The following GRIP1 variants were observed in gnomAD, a reference collection of about 807,000 sequenced individuals.
The protein encoded by GRIP1 is glutamate receptor interacting protein 1.
GRIP1 carries 45 observed loss-of-function variants against 129.9 expected under a neutral mutation model. The observed-to-expected ratio is 0.35, with a 90% CI of 0.27 to 0.44. The LOEUF is 0.44. Among genes scored for constraint, GRIP1 ranks in the 20% least tolerant of loss-of-function variants. The probability of loss-of-function intolerance (pLI) is 1.00; values close to 1 mark genes in which losing one functional copy is unlikely to be tolerated. For synonymous variants in GRIP1, 530 were observed against 520.8 expected (o/e 1.02, Z -0.24); for missense variants, 1,196 against 1,396.8 (o/e 0.86, Z 2.29).
At chr12:66,804,690 A>C (rs745857393), upstream of GRIP1, among the ~76,000 whole-genome samples, 11 of 152,204 alleles carry the variant, frequency 7.2e-5, no homozygotes, top group Non-Finnish European at 1.2e-4. Context: ...TTAGAGACTG[A>C]ACTGACTTTC....
chr12:66,451,903 A>G (rs2058819038), intron 11 of GRIP1, among the ~76,000 whole-genome samples: 1 of 152,212 alleles, frequency 6.6e-6, no homozygotes, highest in Non-Finnish European at 1.5e-5. Flanking sequence ...GCTTACCAGT[A>G]GCTGCCTTTA....
At chr12:66,704,756 A>T (rs1483410447) in intron 1 of GRIP1, among the ~76,000 whole-genome samples, 1 of 151,994 alleles carries the variant, frequency 6.6e-6, no homozygotes, top group Non-Finnish European at 1.5e-5. Flanking sequence ...CACAGCCAAG[A>T]TTTTTCTATA....
chr12:66,787,068 G>A (rs547047210), intron 1 of GRIP1, among the ~76,000 whole-genome samples: 11 of 152,186 alleles, frequency 7.2e-5, no homozygotes, highest in East Asian at 3.9e-4. Context: ...TTAAATTTAC[G>A]CACAAGTAAC....
chr12:67,017,889 C>T (rs568117125), intron 1 of GRIP1, among the ~76,000 whole-genome samples: 2 of 152,258 alleles, frequency 1.3e-5, no homozygotes, highest in South Asian at 2.1e-4. Flanking sequence ...CAGAACATCC[C>T]GGATACCACA....
At chr12:66,724,351 C>A (rs2036185844) in intron 1 of GRIP1, among the ~76,000 whole-genome samples, 1 of 152,166 alleles carries the variant, frequency 6.6e-6, no homozygotes, top group African/African-American at 2.4e-5. Flanking sequence ...TGGTTAAAGC[C>A]AGGGCAGAAG....
intron 1 of GRIP1, among the ~76,000 whole-genome samples, chr12:66,930,860 G>T (rs1020556131): frequency 6.6e-6 from 1 of 152,118 alleles, no homozygotes; most frequent in African/African-American, 2.4e-5. Flanking sequence ...AAATCTGATT[G>T]CCAGGGAGCA....
At chr12:66,653,704 C>A (rs546655021) in intron 1 of GRIP1, among the ~76,000 whole-genome samples, 1 of 152,194 alleles carries the variant, frequency 6.6e-6, no homozygotes, top group Non-Finnish European at 1.5e-5. Context: ...CTGCCTGAAA[C>A]ATCAACACAA....
chr12:66,478,602 AC>A (rs562373684), intron 7 of GRIP1, among the ~76,000 whole-genome samples: 125 of 152,328 alleles, frequency 8.2e-4, no homozygotes, highest in African/African-American at 2.7e-3. Context: ...GGCAGTACTC[AC>A]AATAGCAAAG....
intron 5 of GRIP1, among the ~76,000 whole-genome samples, chr12:66,526,139 A>G (rs558266895): frequency 2.0e-5 from 3 of 151,638 alleles, no homozygotes; most frequent in Non-Finnish European, 4.4e-5. Context: ...ATCCCCAACA[A>G]GCTACCAATG....
At chr12:66,838,694 T>G (rs2039661494) in intron 1 of GRIP1, among the ~76,000 whole-genome samples, 1 of 152,190 alleles carries the variant, frequency 6.6e-6, no homozygotes, top group Non-Finnish European at 1.5e-5. Context: ...TGATTTGGAC[T>G]GATAAAAATA....
At chr12:66,933,073 C>G (rs955624484) in intron 1 of GRIP1, among the ~76,000 whole-genome samples, 16 of 152,204 alleles carry the variant, frequency 1.1e-4, no homozygotes, top group Admixed American at 1.0e-3. Context: ...TAATATCTTT[C>G]AGCCTTTAGC....
At position 66,955,758 on chromosome 12, in the gene GRIP1, C is replaced by T. The variant is rs547241517; in HGVS notation, c.58+113292G>A. Among the ~76,000 whole-genome samples the T allele has an allele frequency of 1.1e-4, 17 of 152,048 alleles. No individual in the cohort carries two copies. The South Asian group carries it at 3.3e-3, about 30-fold the overall frequency. On this transcript the variant is annotated intron_variant, in intron 1 of 1. Transcript: ENST00000643019. ...CTGACCTCAAGTGATCCACCCGCCT[C>T]GGCCTCCCAAAGTGCTGGGATTACA...
chr12:66,566,406 T>C (rs898594696), intron 2 of GRIP1, among the ~76,000 whole-genome samples: 2 of 152,242 alleles, frequency 1.3e-5, no homozygotes. Flanking sequence ...GTTCTGTTTA[T>C]ATGATGGATA....
intron 2 of GRIP1, among the ~76,000 whole-genome samples, chr12:66,572,189 G>A (rs1408604548): frequency 6.6e-6 from 1 of 152,084 alleles, no homozygotes; most frequent in African/African-American, 2.4e-5. Context: ...GAATCAAACA[G>A]GTAAAAACCC....
chr12:66,356,737 A>C (rs1052812721), intron 23 of GRIP1, among the ~76,000 whole-genome samples: 2 of 152,114 alleles, frequency 1.3e-5, no homozygotes, highest in South Asian at 4.1e-4. Context: ...ATACACCTCC[A>C]AAAAATATGA....
intron 1 of GRIP1, among the ~76,000 whole-genome samples, chr12:66,816,261 T>C (rs1391343719): frequency 1.3e-4 from 20 of 152,108 alleles, no homozygotes. Flanking sequence ...TCACTTACTT[T>C]ATTGCAGCAC....
chr12:66,804,438 A>T (rs73130854), upstream of GRIP1, among the ~76,000 whole-genome samples: 8,551 of 149,688 alleles, frequency 0.057, 359 homozygotes, highest in African/African-American at 0.12. Flanking sequence ...TAATTTTTTT[A>T]AAAAAAAAAG....
chr12:66,621,109 CAT>C, intron 1 of GRIP1, among the ~76,000 whole-genome samples: 1 of 152,256 alleles, frequency 6.6e-6, no homozygotes, highest in Middle Eastern at 3.4e-3. Flanking sequence ...GTAAAATAGA[CAT>C]AACACAAATT....
chr12:66,444,853 C>A, intron 12 of GRIP1, 124 bp from the exon 13 acceptor site: 3 of 932,886 alleles, frequency 3.2e-6, no homozygotes, highest in Non-Finnish European at 5.2e-6. Context: ...TTATTCAATG[C>A]TGTGGGCATC....
Sources: gnomAD v4.1 joint callset for allele counts (sites outside exome capture counted in the v4.1 genomes callset) on GRCh38, gnomAD v4.1.1 for gene constraint, MANE v1.5 for transcripts, NCBI Gene and HGNC (gene_info 2026-07-23, HGNC 2026-07-21) for gene names.